The following KANK1 variants were observed in gnomAD, a reference collection of about 807,000 sequenced individuals.
The protein encoded by KANK1 is KN motif and ankyrin repeat domains 1, also known as KN motif and ankyrin repeat domain-containing protein 1.
Under a neutral mutation model 106.2 loss-of-function variants are expected in KANK1, and 109 were observed. The observed-to-expected ratio is 1.03, with a 90% CI of 0.88 to 1.20. The LOEUF is 1.20. Among genes scored for constraint, KANK1 ranks in the 50% most tolerant of loss-of-function variants. The pLI, the probability that KANK1 is intolerant of heterozygous loss-of-function variation, is 0.00. For missense variants in KANK1, 2,399 were observed against 1,710.7 expected, an observed-to-expected ratio of 1.40 and a Z score of -7.10; for synonymous variants, 873 against 652.2, an observed-to-expected ratio of 1.34 and a Z score of -5.16.
intron 1 of KANK1, among the ~76,000 whole-genome samples, chr9:643,138 A>T (rs1838853884): frequency 6.6e-6 from 1 of 150,814 alleles, no homozygotes; most frequent in African/African-American, 2.5e-5. Flanking sequence ...GTTTTGAACC[A>T]AGGATCTGTT....
chr9:619,016 A>G (rs966125040), intron 1 of KANK1, among the ~76,000 whole-genome samples: 5 of 152,242 alleles, frequency 3.3e-5, no homozygotes, highest in Non-Finnish European at 7.3e-5. Context: ...TCTACATTTT[A>G]TGAACTTAAA....
At chr9:673,140 A>G (rs546404192) in intron 1 of KANK1, among the ~76,000 whole-genome samples, 101 of 151,982 alleles carry the variant, frequency 6.6e-4, no homozygotes, top group Non-Finnish European at 8.8e-4. Context: ...TCAATACACA[A>G]TATACAACTG....
At chr9:473,702 A>AT (rs202023060) in intron 3 of KANK1, among the ~76,000 whole-genome samples, 2,092 of 144,752 alleles carry the variant, frequency 0.014, 25 homozygotes, top group African/African-American at 0.04. Flanking sequence ...AAGAACAAGA[A>AT]TTTTTTTTTT....
At chr9:549,371 C>T (rs1304940517) in intron 1 of KANK1, 2 of 152,332 alleles carry the variant, frequency 1.3e-5, no homozygotes, top group African/African-American at 4.8e-5. Context: ...TGACTTCGTT[C>T]ATGTTCAGGC....
intron 1 of KANK1, among the ~76,000 whole-genome samples, chr9:607,484 CAAAA>C (rs760884670): frequency 3.3e-5 from 2 of 61,222 alleles, no homozygotes; most frequent in African/African-American, 5.8e-5. Context: ...GACTCCATCT[CAAAA>C]AAAAAAAAAA....
intron 1 of KANK1, among the ~76,000 whole-genome samples, chr9:614,379 TATA>T (rs201382401): frequency 0.012 from 1,876 of 152,330 alleles, 43 homozygotes; most frequent in African/African-American, 0.043. Context: ...GGAGTGATTA[TATA>T]CTTCTGCAGT....
chr9:527,097 AT>A (rs2059825748), intron 1 of KANK1, among the ~76,000 whole-genome samples: 1 of 151,660 alleles, frequency 6.6e-6, no homozygotes, highest in African/African-American at 2.4e-5. Flanking sequence ...TCACTGACTC[AT>A]TCCCAAACTG....
upstream of KANK1, among the ~76,000 whole-genome samples, chr9:502,996 A>C (rs1014004290): frequency 7.6e-6 from 1 of 132,398 alleles, no homozygotes; most frequent in Non-Finnish European, 1.5e-5. Flanking sequence ...CATCGCGCCC[A>C]GCTGATTTTT....
intron 1 of KANK1, among the ~76,000 whole-genome samples, chr9:522,685 T>C (rs1250528697): frequency 6.6e-6 from 1 of 151,724 alleles, no homozygotes; most frequent in African/African-American, 2.4e-5. Flanking sequence ...ATGCTGACTT[T>C]TGGGTTTTTA....
chr9:712,257 G>C lies in KANK1; in HGVS notation c.1491G>C (p.Ser497=). ...KLKQELQAAG[S]RKKVDKATMA... ...AACAAGAGCTGCAGGCTGCTGGATCGAGGAAAAAGGTTGACAAAGCCACGA... is the reference window on the plus strand; with the variant it reads ...AACAAGAGCTGCAGGCTGCTGGATCCAGGAAAAAGGTTGACAAAGCCACGA... Residue 497 remains serine, a synonymous_variant, in exon 3 of 12, where the codon TCG becomes TCC. Coordinates refer to ENST00000382297, the MANE Select transcript of KANK1 (RefSeq NM_015158.5). 3 of 1,614,136 alleles carry C rather than the reference G, an allele frequency of 1.9e-6. 1 individual carries two copies. In the South Asian group the frequency reaches 3.3e-5, roughly 18 times the overall value.
chr9:589,028 A>T (rs1394082249), intron 1 of KANK1, among the ~76,000 whole-genome samples: 1 of 151,614 alleles, frequency 6.6e-6, no homozygotes, highest in African/African-American at 2.4e-5. Context: ...TGTTAGTGTT[A>T]ACACTGTGAC....
At chr9:551,416 CA>C (rs1280542823) in intron 1 of KANK1, among the ~76,000 whole-genome samples, 2 of 151,994 alleles carry the variant, frequency 1.3e-5, no homozygotes, top group African/African-American at 2.4e-5. Flanking sequence ...AGAGGGTCCG[CA>C]GTTGTTTTTC....
intron 2 of KANK1, among the ~76,000 whole-genome samples, chr9:709,803 C>A (rs904553316): frequency 6.6e-6 from 1 of 151,906 alleles, no homozygotes; most frequent in Admixed American, 6.6e-5. Flanking sequence ...TTAGTAGGGA[C>A]GAGGTTTTAC....
At chr9:566,055 T>C (rs1355431927) in intron 1 of KANK1, among the ~76,000 whole-genome samples, 2 of 152,206 alleles carry the variant, frequency 1.3e-5, no homozygotes, top group Non-Finnish European at 2.9e-5. Flanking sequence ...TCTGTTGTTG[T>C]CCTCTATGTG....
chr9:513,596 A>G (rs1225289724), intron 1 of KANK1, among the ~76,000 whole-genome samples: 2 of 152,154 alleles, frequency 1.3e-5, no homozygotes, highest in Non-Finnish European at 2.9e-5. Context: ...CTCTTTTGAT[A>G]TTTGTCTTAC....
At position 711,004 on chromosome 9, in the gene KANK1, T is replaced by C. The variant is rs1208572501; in HGVS notation, c.238T>C (p.Ser80Pro). The change falls in exon 3 of 12, where the codon TCT becomes CCT. Residue 80 changes from serine (S) to proline (P), a missense_variant. By Grantham distance (74) the Ser-to-Pro change is moderately conservative (BLOSUM62 -1). Transcript: ENST00000382297. ...GCCATGCCCAGAACCCAGGACCACA[T>C]CTGGTCAGCAAGGTATATGGACTTC... ...SVPCPEPRTT[S>P]GQQGIWTSTE... The C allele has an allele frequency of 6.2e-7, 1 of 1,613,986 alleles. No individual in the cohort carries two copies. Among genetic ancestry groups the C allele is most frequent in the East Asian group, 2.2e-5 (1 of 44,890 alleles).
chr9:530,863 C>T (rs1359703956), intron 1 of KANK1, among the ~76,000 whole-genome samples: 1 of 152,096 alleles, frequency 6.6e-6, no homozygotes, highest in Admixed American at 6.6e-5. Flanking sequence ...TGGGGCATGC[C>T]TGTAGTTCCA....
chr9:618,846 G>C (rs1267219901), intron 1 of KANK1, among the ~76,000 whole-genome samples: 1 of 152,134 alleles, frequency 6.6e-6, no homozygotes, highest in African/African-American at 2.4e-5. Context: ...TACCTGTCTT[G>C]AGGCAAAATT....
intron 1 of KANK1, among the ~76,000 whole-genome samples, chr9:648,034 C>G (rs932433005): frequency 2.3e-5 from 3 of 133,238 alleles, no homozygotes; most frequent in Non-Finnish European, 4.5e-5. Flanking sequence ...CAGAGTCTTG[C>G]TCTGTCGCCA....
Sources: allele counts gnomAD v4.1 joint callset (sites outside exome capture counted in the v4.1 genomes callset), GRCh38; gene constraint gnomAD v4.1.1; transcripts MANE v1.5; gene names NCBI Gene and HGNC (gene_info 2026-07-23, HGNC 2026-07-21).